PCDH15: variants seen among roughly 807,000 people sequenced by gnomAD.
The protein encoded by PCDH15 is protocadherin-15.
In PCDH15, 129 loss-of-function variants were observed where a neutral mutation model predicts 178.5. That is an observed-to-expected ratio of 0.72 (90% CI 0.63 to 0.84). The LOEUF (loss-of-function observed/expected upper bound fraction) is 0.84, where lower values mean the gene tolerates loss of function less well. PCDH15 is among the 40% of genes least tolerant of loss of function. The pLI is 0.00. For missense variants in PCDH15, 2,230 were observed against 2,099.9 expected (o/e 1.06, Z -1.21); for synonymous variants, 800 against 732.0 (o/e 1.09, Z -1.50).
chr10:54,139,795 G>GC (rs2043224447), intron 14 of PCDH15, among the ~76,000 whole-genome samples: 2 of 152,072 alleles, frequency 1.3e-5, no homozygotes, highest in Admixed American at 6.6e-5. Flanking sequence ...AGAAGAAAGA[G>GC]ATGTGTAAAA....
chr10:54,110,316 A>AT (rs1447213229), intron 15 of PCDH15, among the ~76,000 whole-genome samples: 1 of 129,344 alleles, frequency 7.7e-6, no homozygotes, highest in African/African-American at 3.1e-5. Flanking sequence ...GTGTGGAAAG[A>AT]TTAAAAAAAA....
intron 1 of PCDH15, among the ~76,000 whole-genome samples, chr10:55,220,436 G>C (rs2799618): frequency 1 from 151,691 of 152,154 alleles, 75,621 homozygotes; most frequent in East Asian, 1. Flanking sequence ...TCATGTGTCA[G>C]TTAATAAAAA....
At chr10:55,564,701 T>G (rs1286051899) in intron 2 of PCDH15, among the ~76,000 whole-genome samples, 1 of 151,550 alleles carries the variant, frequency 6.6e-6, no homozygotes, top group Non-Finnish European at 1.5e-5. Context: ...ATAAGAGTAC[T>G]GGGGTGGTTA....
intron 2 of PCDH15, among the ~76,000 whole-genome samples, chr10:55,015,461 G>T (rs139484320): frequency 1.0e-3 from 156 of 152,136 alleles, no homozygotes; most frequent in African/African-American, 3.6e-3. Flanking sequence ...GTGTATTTAG[G>T]AGGTGGGTTT....
At chr10:54,699,958 C>T (rs11004451) in intron 1 of PCDH15, among the ~76,000 whole-genome samples, 1,579 of 152,038 alleles carry the variant, frequency 0.01, 27 homozygotes, top group East Asian at 0.054. Flanking sequence ...ATATAGTATT[C>T]CTAAATCTAT....
intron 3 of PCDH15, among the ~76,000 whole-genome samples, chr10:54,406,026 G>C (rs183604347): frequency 6.6e-4 from 101 of 152,200 alleles, no homozygotes; most frequent in Non-Finnish European, 5.3e-4. Flanking sequence ...ATTGGTTAGA[G>C]ATGGAGCCTT....
chr10:54,994,571 A>G (rs1468861658), intron 2 of PCDH15, among the ~76,000 whole-genome samples: 1 of 152,202 alleles, frequency 6.6e-6, no homozygotes, highest in Non-Finnish European at 1.5e-5. Context: ...AGAAGTTTAC[A>G]TTATAAAATT....
chr10:54,007,334 A>T (rs558027400), intron 20 of PCDH15, among the ~76,000 whole-genome samples: 1 of 152,246 alleles, frequency 6.6e-6, no homozygotes, highest in South Asian at 2.1e-4. Flanking sequence ...CTAAATATTT[A>T]GTATATCTAG....
rs111705288 is a variant in PCDH15 at position 55,166,031 on chromosome 10, A to G, written c.-80+545T>C. ...TTTTAATTTCTATTTTGTTGCTCCA[A>G]TGTTATAAAAGCTATTTCTTCTGTA... On this transcript the variant is annotated intron_variant, in intron 2 of 5. Coordinates refer to the PCDH15 transcript ENST00000458638. Among the ~76,000 whole-genome samples, 1,383 of 152,226 alleles carry G rather than the reference A, an allele frequency of 9.1e-3. 14 individuals are homozygous for G. Among genetic ancestry groups the G allele is most frequent in the Middle Eastern group, 0.014 (4 of 294 alleles).
intron 21 of PCDH15, among the ~76,000 whole-genome samples, chr10:53,968,702 C>T (rs1345278688): frequency 6.6e-6 from 1 of 152,200 alleles, no homozygotes; most frequent in Admixed American, 6.5e-5. Flanking sequence ...GCAATGTTTG[C>T]TGTTCTGCAG....
intron 21 of PCDH15, among the ~76,000 whole-genome samples, chr10:53,983,129 A>C (rs912140301): frequency 1.3e-5 from 2 of 151,984 alleles, no homozygotes; most frequent in Non-Finnish European, 2.9e-5. Flanking sequence ...AACTACTCTG[A>C]CTGATTTTGT....
chr10:54,013,403 T>C (rs1312517681), intron 20 of PCDH15, among the ~76,000 whole-genome samples: 1 of 152,036 alleles, frequency 6.6e-6, no homozygotes, highest in African/African-American at 2.4e-5. Context: ...ATTGAACAAA[T>C]GGACATAATA....
chr10:54,085,034 G>C (rs1457282934), intron 16 of PCDH15, among the ~76,000 whole-genome samples: 6 of 152,154 alleles, frequency 3.9e-5, no homozygotes, highest in African/African-American at 1.2e-4. Flanking sequence ...ATTGACAGCA[G>C]TTTGGGGAAA....
intron 1 of PCDH15, among the ~76,000 whole-genome samples, chr10:55,221,268 A>G (rs1231422294): frequency 6.6e-6 from 1 of 152,122 alleles, no homozygotes; most frequent in East Asian, 1.9e-4. Flanking sequence ...GTAGGGTTAC[A>G]GAACAGAGAC....
At chr10:55,150,064 G>C (rs12249682) in intron 2 of PCDH15, among the ~76,000 whole-genome samples, 53,314 of 108,624 alleles carry the variant, frequency 0.49, 10,227 homozygotes, top group Admixed American at 0.57. Flanking sequence ...GAAGTGAAGA[G>C]GAGAGGAGGG....
chr10:55,323,796 A>T (rs182830200), upstream of PCDH15, among the ~76,000 whole-genome samples: 1 of 152,276 alleles, frequency 6.6e-6, no homozygotes, highest in East Asian at 1.9e-4. Context: ...GAAATCAGTT[A>T]AGACTTTGCA....
chr10:53,839,063 G>A (rs549346210), intron 29 of PCDH15, among the ~76,000 whole-genome samples: 68 of 151,996 alleles, frequency 4.5e-4, no homozygotes, highest in Non-Finnish European at 7.9e-4. Context: ...AATTAGCTGG[G>A]CGTGGTGGCG....
intron 2 of PCDH15, among the ~76,000 whole-genome samples, chr10:54,537,754 T>C (rs540278299): frequency 4.6e-5 from 7 of 152,290 alleles, no homozygotes; most frequent in African/African-American, 1.7e-4. Flanking sequence ...AGCATTCCCT[T>C]CTCTGTGCAG....
At position 54,352,806 on chromosome 10, in the gene PCDH15, T is replaced by G. The variant is rs367769603; in HGVS notation, c.475-6322A>C. Among the ~76,000 whole-genome samples the G allele has an allele frequency of 1.3e-4, 20 of 152,274 alleles. No individual in the cohort carries two copies. The East Asian group carries it at 2.9e-3, about 22-fold the overall frequency. ...ACCCAATCAAGATAAGGCAACATTC[T>G]GTACAAATTATCATTACTAGTGAAA... On this transcript the variant is annotated intron_variant, in intron 5 of 37. Coordinates refer to ENST00000644397, the MANE Select transcript of PCDH15 (RefSeq NM_001384140.1).
Sources: allele counts gnomAD v4.1 joint callset (sites outside exome capture counted in the v4.1 genomes callset), GRCh38; gene constraint gnomAD v4.1.1; transcripts MANE v1.5; gene names NCBI Gene and HGNC (gene_info 2026-07-23, HGNC 2026-07-21).